GTSE1: variants seen among roughly 807,000 people sequenced by gnomAD.
The protein encoded by GTSE1 is G2 and S-phase expressed 1.
A neutral mutation model predicts 60.5 loss-of-function variants in GTSE1; 52 were observed. The ratio of observed to expected loss-of-function variants is 0.86; its 90% CI spans 0.69 to 1.08. The LOEUF is 1.08. Ranked by LOEUF, GTSE1 falls within the 50% of genes least tolerant of loss-of-function variation. The pLI is 0.00. For missense variants in GTSE1, 937 were observed against 961.8 expected (o/e 0.97, Z 0.34); for synonymous variants, 368 against 386.5 (o/e 0.95, Z 0.56).
At chr22:46,325,230 T>A (rs1007128764) in intron 8 of GTSE1, among the ~76,000 whole-genome samples, 2 of 152,210 alleles carry the variant, frequency 1.3e-5, no homozygotes, top group Admixed American at 6.5e-5. Context: ...GGAGACTCGC[T>A]CTGTCACCTA....
Position 46,316,183 on chromosome 22 carries a change from T to C in GTSE1, c.1203T>C (p.Asp401=), listed in dbSNP as rs1200919077. 2 of 1,613,628 alleles carry C rather than the reference T, an allele frequency of 1.2e-6. No individual in the cohort carries two copies. Among genetic ancestry groups the C allele is most frequent in the South Asian group, 1.1e-5 (1 of 91,056 alleles). The change falls in exon 7 of 12, where the codon GAT becomes GAC. Residue 401 remains aspartate (D), a synonymous_variant. Transcript: ENST00000454366. This position sits in a 1 kb window ranked among gnomAD's most constrained non-coding sequence, Gnocchi z 5.0. ...GASSWQAKRV[D]VSELAAEQLT... Reference sequence around the variant, plus strand: ...CCTCCTGGCAGGCCAAGCGGGTCGATGTTTCTGAGCTGGCAGCGGAGCAGC... The same window carrying C: ...CCTCCTGGCAGGCCAAGCGGGTCGACGTTTCTGAGCTGGCAGCGGAGCAGC...
chr22:46,329,589 A>G lies in GTSE1; in HGVS notation c.2136+22A>G. 2 of 1,589,324 alleles carry G rather than the reference A, an allele frequency of 1.3e-6. No homozygotes were observed. The highest frequency in any genetic ancestry group is 2.2e-5 in the South Asian group (2 of 90,518). On this transcript the variant is annotated intron_variant, in intron 11 of 11. Transcript: ENST00000454366. This position sits in a 1 kb window ranked among gnomAD's most constrained non-coding sequence, Gnocchi z 6.4. ...ACAGGTGAGAAGTGGCAGGTGGTTC[A>G]TGTTGACTCAGCCCTGGGTGTCCTC...
intron 2 of GTSE1, among the ~76,000 whole-genome samples, chr22:46,303,896 C>T (rs1471592875): frequency 6.6e-6 from 1 of 152,066 alleles, no homozygotes; most frequent in African/African-American, 2.4e-5. Flanking sequence ...GAGCGGTGTT[C>T]CTGATGGTGG....
At position 46,321,281 on chromosome 22, in the gene GTSE1, G is replaced by A. The variant is rs1717163405; in HGVS notation, c.1433-1909G>A. On this transcript the variant is annotated intron_variant, in intron 7 of 11. Coordinates refer to ENST00000454366, the MANE Select transcript of GTSE1 (RefSeq NM_016426.7). This position sits in a 1 kb window ranked among gnomAD's most constrained non-coding sequence, Gnocchi z 4.0. ...TAGCTGGGCATGGTGCTGGGCACCT[G>A]TAGTCCCAGCTACTTGGGAGACTGA... is the stretch of plus-strand genomic sequence containing the variant. Among the ~76,000 whole-genome samples the A allele has an allele frequency of 6.6e-6, 1 of 152,202 alleles. No individual in the cohort carries two copies. The highest frequency in any genetic ancestry group is 2.4e-5 in the African/African-American group (1 of 41,458).
At position 46,310,840 on chromosome 22, in the gene GTSE1, G is replaced by GAATC. The variant is rs1283481420; in HGVS notation, c.763-1300_763-1297dup. Among the ~76,000 whole-genome samples, 2 of 152,202 alleles carry GAATC rather than the reference G, an allele frequency of 1.3e-5. No individual in the cohort carries two copies. Among genetic ancestry groups the GAATC allele is most frequent in the African/African-American group, 4.8e-5 (2 of 41,454 alleles). On this transcript the variant is annotated intron_variant, in intron 4 of 11. Coordinates refer to ENST00000454366, the MANE Select transcript of GTSE1 (RefSeq NM_016426.7). The surrounding 1 kb of genome is among the most constrained non-coding windows in gnomAD (Gnocchi z 4.4). ...AGCTACTTGGGAGGCTGAGGCAGGA[G>GAATC]AATCGCCTGAACCCAGGAGGTGGAG...
rs1366118151 is a variant in GTSE1, at chr22:46,318,215, A to C, written c.1432+1803A>C. Among the ~76,000 whole-genome samples, 4 of 152,198 alleles carry C rather than the reference A, an allele frequency of 2.6e-5. No homozygotes were observed. Among genetic ancestry groups the C allele is most frequent in the Non-Finnish European group, 4.4e-5 (3 of 68,044 alleles). On this transcript the variant is annotated intron_variant, in intron 7 of 11. Transcript: ENST00000454366. This position sits in a 1 kb window ranked among gnomAD's most constrained non-coding sequence, Gnocchi z 4.8. Reference sequence around the variant, plus strand: ...GCAATGCAGAAAGTTCTCAGAGCTGACTTAAGGTGAGAGGAGCGTCCTGGC... The same window carrying C: ...GCAATGCAGAAAGTTCTCAGAGCTGCCTTAAGGTGAGAGGAGCGTCCTGGC...
intron 8 of GTSE1, among the ~76,000 whole-genome samples, chr22:46,325,130 G>T (rs528247244): frequency 6.6e-6 from 1 of 152,172 alleles, no homozygotes; most frequent in Non-Finnish European, 1.5e-5. Context: ...CCTGTTTCCC[G>T]ATTCACAGCT....
intron 2 of GTSE1, among the ~76,000 whole-genome samples, chr22:46,300,662 C>T (rs1186535401): frequency 6.6e-6 from 1 of 152,166 alleles, no homozygotes; most frequent in African/African-American, 2.4e-5. Flanking sequence ...TGGCACCTAG[C>T]GAAGGATGTG....
chr22:46,329,595 A>T lies in GTSE1; in HGVS notation c.2136+28A>T, dbSNP rs1323352179. On this transcript the variant is annotated intron_variant, in intron 11 of 11. Coordinates refer to ENST00000454366, the MANE Select transcript of GTSE1 (RefSeq NM_016426.7). The surrounding 1 kb of genome is among the most constrained non-coding windows in gnomAD (Gnocchi z 6.4). ...GAGAAGTGGCAGGTGGTTCATGTTG[A>T]CTCAGCCCTGGGTGTCCTCAGTTCT... The T allele has an allele frequency of 5.7e-6, 9 of 1,573,912 alleles. No homozygotes were observed. Among genetic ancestry groups the T allele is most frequent in the Non-Finnish European group, 7.9e-6 (9 of 1,144,064 alleles).
At position 46,330,706 on chromosome 22, in the gene GTSE1, G is replaced by A. The variant is rs1461237348; in HGVS notation, c.*576G>A. ...TGAAGAATTTTCTTTTGAATGTTTT[G>A]TATGTAAAATAGCAAGTGGCTATTT... On this transcript the variant is annotated 3_prime_UTR_variant, in exon 12 of 12. Coordinates refer to ENST00000454366, the MANE Select transcript of GTSE1 (RefSeq NM_016426.7). This position sits in a 1 kb window ranked among gnomAD's most constrained non-coding sequence, Gnocchi z 6.0. 1 of 152,380 alleles carries A rather than the reference G, an allele frequency of 6.6e-6. No individual in the cohort carries two copies. Among genetic ancestry groups the A allele is most frequent in the Non-Finnish European group, 1.5e-5 (1 of 68,012 alleles). The allele number at this position is 152,380 out of a possible 1,614,324, so 9.4% of individuals were successfully genotyped here.
chr22:46,312,678 C>A (rs1287980275), intron 5 of GTSE1, among the ~76,000 whole-genome samples: 2 of 150,000 alleles, frequency 1.3e-5, no homozygotes, highest in Non-Finnish European at 3.0e-5. Flanking sequence ...GTTGAAAATA[C>A]ACCCACAAGA....
At position 46,328,815 on chromosome 22, in the gene GTSE1, A is replaced by G; in HGVS notation, c.1852A>G (p.Thr618Ala). The change falls in exon 10 of 12, where the codon ACT (threonine) becomes GCT (alanine). Residue 618 changes from threonine (T) to alanine (A), a missense_variant. Transcript: ENST00000454366. The part of the protein sequence containing the change: ...LNFSPEESDS[T>A]FSKSTATEVA... ...CTTTTCTCCAGAGGAAAGCGATTCT[A>G]CTTTCTCCAAAAGTACTGCCACAGA... The G allele has an allele frequency of 6.2e-7, 1 of 1,614,048 alleles. No homozygotes were observed. Among genetic ancestry groups the G allele is most frequent in the Non-Finnish European group, 8.5e-7 (1 of 1,179,962 alleles).
Position 46,316,438 on chromosome 22 carries a change from G to A in GTSE1, c.1432+26G>A. On this transcript the variant is annotated intron_variant, in intron 7 of 11. Coordinates refer to ENST00000454366, the MANE Select transcript of GTSE1 (RefSeq NM_016426.7). This position sits in a 1 kb window ranked among gnomAD's most constrained non-coding sequence, Gnocchi z 5.0. ...GTGAGTAATAGATACATTTTAATGT[G>A]TCTTTAAAAAATACTGAAGAAATTG... 2 of 1,329,574 alleles carry A rather than the reference G, an allele frequency of 1.5e-6. No individual in the cohort carries two copies. Among genetic ancestry groups the A allele is most frequent in the Admixed American group, 2.3e-5 (1 of 43,700 alleles). 82.4% of individuals were successfully genotyped at this position (1,329,574 alleles called of 1,614,324 possible).
At chr22:46,328,642 G>A (rs751210384) in intron 9 of GTSE1, 46 bp from the exon 10 acceptor site, 6 of 1,454,208 alleles carry the variant, frequency 4.1e-6, no homozygotes, top group South Asian at 2.3e-5. Context: ...CCAAGTGAAC[G>A]AGCATTTTAG....
chr22:46,297,069 C>G lies in GTSE1; in HGVS notation c.-22+138C>G, dbSNP rs955883402. The G allele has an allele frequency of 3.2e-5, 9 of 285,624 alleles. No homozygotes were observed. Among genetic ancestry groups the G allele is most frequent in the Middle Eastern group, 1.1e-3 (1 of 880 alleles). The allele number at this position is 285,624 out of a possible 1,614,324, so 17.7% of individuals were successfully genotyped here. A position where few individuals can be genotyped will look rare whatever the true frequency, so the allele number is the denominator to read the frequency against. ...GCTCGAGCAGGGGTCACTGAGGCCCCTCGCGCCGTGGTCGGGGATGCCGGG... is the reference window on the plus strand; with the variant it reads ...GCTCGAGCAGGGGTCACTGAGGCCCGTCGCGCCGTGGTCGGGGATGCCGGG... On this transcript the variant is annotated intron_variant, in intron 1 of 11. Transcript: ENST00000454366. The surrounding 1 kb of genome is among the most constrained non-coding windows in gnomAD (Gnocchi z 4.9).
rs374478660 is a variant in GTSE1 at position 46,319,982 on chromosome 22, C to CAAA, written c.1433-3196_1433-3194dup. Among the ~76,000 whole-genome samples, 2 of 115,416 alleles carry CAAA rather than the reference C, an allele frequency of 1.7e-5. No homozygotes were observed. Among genetic ancestry groups the CAAA allele is most frequent in the African/African-American group, 6.1e-5 (2 of 32,960 alleles). 75.7% of individuals were successfully genotyped at this position (115,416 alleles called of 152,430 possible). On this transcript the variant is annotated intron_variant, in intron 7 of 11. Transcript: ENST00000454366. This position sits in a 1 kb window ranked among gnomAD's most constrained non-coding sequence, Gnocchi z 5.0. ...CCTGGGCGACAGAACGAGACTGTCT[C>CAAA]AAAAAAAAAAAAAAGAAAGAAAGAA...
intron 5 of GTSE1, among the ~76,000 whole-genome samples, chr22:46,312,859 ATGT>A (rs2077756878): frequency 6.6e-6 from 1 of 151,980 alleles, no homozygotes; most frequent in African/African-American, 2.4e-5. Flanking sequence ...ATGACATGAG[ATGT>A]TGATGTTTTG....
rs931778491 is a variant in GTSE1, at chr22:46,309,891, G to A, written c.762+948G>A. On this transcript the variant is annotated intron_variant, in intron 4 of 11. Transcript: ENST00000454366. This position sits in a 1 kb window ranked among gnomAD's most constrained non-coding sequence, Gnocchi z 6.2. Reference sequence around the variant, plus strand: ...AGAGTGGGATGGGTCCTGCTGTGTGGAGCACACGTGGACTCGGGACAGGGA... The same window carrying A: ...AGAGTGGGATGGGTCCTGCTGTGTGAAGCACACGTGGACTCGGGACAGGGA... Among the ~76,000 whole-genome samples, 2 of 152,362 alleles carry A rather than the reference G, an allele frequency of 1.3e-5. No homozygotes were observed. The highest frequency in any genetic ancestry group is 6.8e-3 in the Middle Eastern group (2 of 294).
rs988248099 is a variant in GTSE1 at position 46,313,662 on chromosome 22, C to A, written c.928-228C>A. On this transcript the variant is annotated intron_variant, in intron 5 of 11. Transcript: ENST00000454366. The surrounding 1 kb of genome is among the most constrained non-coding windows in gnomAD (Gnocchi z 4.4). Reference sequence around the variant, plus strand: ...TAGCTGGGACTACAGGTGCCTGCCACCATGCCCAGCTAGTTTTTATATTTT... The same window carrying A: ...TAGCTGGGACTACAGGTGCCTGCCAACATGCCCAGCTAGTTTTTATATTTT... Among the ~76,000 whole-genome samples, 1 of 152,188 alleles carries A rather than the reference C, an allele frequency of 6.6e-6. No individual in the cohort carries two copies. Among genetic ancestry groups the A allele is most frequent in the Admixed American group, 6.5e-5 (1 of 15,272 alleles).
Sources: gnomAD v4.1 joint callset for allele counts (sites outside exome capture counted in the v4.1 genomes callset) on GRCh38, gnomAD v4.1.1 for gene constraint, Gnocchi (gnomAD v3.1) non-coding constraint, MANE v1.5 for transcripts, NCBI Gene and HGNC (gene_info 2026-07-23, HGNC 2026-07-21) for gene names.